The following MYT1 variants were observed in gnomAD, a reference collection of about 807,000 sequenced individuals.
The protein encoded by MYT1 is myelin transcription factor 1.
A neutral mutation model predicts 123.0 loss-of-function variants in MYT1; 23 were observed. The ratio of observed to expected loss-of-function variants is 0.19; its 90% confidence interval spans 0.13 to 0.26. MYT1 has a LOEUF of 0.26. Among genes scored for constraint, MYT1 ranks in the 10% least tolerant of loss-of-function variants. The probability of loss-of-function intolerance (pLI) is 1.00; values close to 1 mark genes in which losing one functional copy is unlikely to be tolerated. For synonymous variants in MYT1, 518 were observed against 575.3 expected (o/e 0.90, Z 1.43); for missense variants, 1,125 against 1,472.5 (o/e 0.76, Z 3.86).
chr20:64,187,822 G>A (rs1029588220), intron 1 of MYT1, among the ~76,000 whole-genome samples: 1 of 152,250 alleles, frequency 6.6e-6, no homozygotes, highest in African/African-American at 2.4e-5. Context: ...TTGTAAAGGA[G>A]GGTCTACGCT....
intron 1 of MYT1, among the ~76,000 whole-genome samples, chr20:64,177,411 C>T (rs1982492965): frequency 6.6e-6 from 1 of 152,102 alleles, no homozygotes; most frequent in Non-Finnish European, 1.5e-5. Context: ...AAGAGCAAAA[C>T]TTGCCCTCAT....
At chr20:64,225,808 C>T (rs1984153783) in intron 16 of MYT1, among the ~76,000 whole-genome samples, 1 of 152,144 alleles carries the variant, frequency 6.6e-6, no homozygotes, top group Admixed American at 6.5e-5. Flanking sequence ...GGACACAACT[C>T]TTGAGAAAAG....
intron 1 of MYT1, among the ~76,000 whole-genome samples, chr20:64,170,989 A>T (rs1261022464): frequency 6.9e-6 from 1 of 145,826 alleles, no homozygotes; most frequent in African/African-American, 2.6e-5. Context: ...TCTTGGCTGC[A>T]ACCTCCGCCT....
At chr20:64,209,111 A>T (rs1163436721) in intron 7 of MYT1, among the ~76,000 whole-genome samples, 1 of 151,952 alleles carries the variant, frequency 6.6e-6, no homozygotes, top group African/African-American at 2.4e-5. Flanking sequence ...GGCTGGGCTG[A>T]CGTGGTTGGG....
intron 1 of MYT1, among the ~76,000 whole-genome samples, chr20:64,179,524 AC>A (rs1356164654): frequency 2.0e-5 from 3 of 152,170 alleles, no homozygotes; most frequent in Non-Finnish European, 2.9e-5. Context: ...CCATCACTTA[AC>A]TTTGATGGAT....
intron 1 of MYT1, among the ~76,000 whole-genome samples, chr20:64,187,087 C>G (rs1457497086): frequency 1.5e-4 from 23 of 149,808 alleles, no homozygotes; most frequent in Non-Finnish European, 1.6e-4. Flanking sequence ...GCCCGTGGCC[C>G]CGGCATCCAT....
Position 64,212,189 on chromosome 20 carries a change from GGGGGCCAGGGTGGGGGCCGTGGT to G in MYT1, c.1517+56_1517+78del, listed in dbSNP as rs764182439. On this transcript the variant is annotated intron_variant, in intron 9 of 22. Coordinates refer to ENST00000328439, the MANE Select transcript of MYT1 (RefSeq NM_004535.3). The surrounding 1 kb of genome is among the most constrained non-coding windows in gnomAD (Gnocchi z 6.8). ...TGGGGGCCAGGGTGGGGGCCGTGGT[GGGGGCCAGGGTGGGGGCCGTGGT>G]GGGGGCCAGGGTGGGGGCCGTGGTG... is the stretch of plus-strand genomic sequence containing the variant. 0.04 allele frequency: 19,857 copies of G among 496,640 alleles called. 2,987 individuals carry two copies. The highest frequency in any genetic ancestry group is 0.13 in the African/African-American group (3,541 of 26,854). The allele number at this position is 496,640 out of a possible 1,614,324, so 30.8% of individuals were successfully genotyped here.
chr20:64,205,811 G>T lies in MYT1; in HGVS notation c.397+11G>T, dbSNP rs367605580. 1 of 1,611,974 alleles carries T rather than the reference G, an allele frequency of 6.2e-7. No homozygotes were observed. The highest frequency in any genetic ancestry group is 8.5e-7 in the Non-Finnish European group (1 of 1,178,776). On this transcript the variant is annotated intron_variant, in intron 6 of 22. Coordinates refer to ENST00000328439, the MANE Select transcript of MYT1 (RefSeq NM_004535.3). ...CCGAGACAGCTGAAGGTGCTTTGTC[G>T]CTCTTTCTTCCCCGAATAAAGGGCG...
intron 10 of MYT1, among the ~76,000 whole-genome samples, chr20:64,216,008 A>G (rs1233046677): frequency 6.6e-6 from 1 of 152,118 alleles, no homozygotes; most frequent in Non-Finnish European, 1.5e-5. Context: ...GGAGAAGGAG[A>G]AAACACCCAC....
chr20:64,189,381 C>T lies in MYT1; in HGVS notation c.-98-682C>T, dbSNP rs1982903554. Among the ~76,000 whole-genome samples the T allele has an allele frequency of 2.6e-5, 4 of 152,210 alleles. No homozygotes were observed. Among genetic ancestry groups the T allele is most frequent in the Admixed American group, 2.6e-4 (4 of 15,282 alleles). On this transcript the variant is annotated intron_variant, in intron 1 of 22. Coordinates refer to ENST00000328439, the MANE Select transcript of MYT1 (RefSeq NM_004535.3). The surrounding 1 kb of genome is among the most constrained non-coding windows in gnomAD (Gnocchi z 5.5). ...CAATGCGTTTCTTTGTCATGTCCAGCTGATGCGTTCAGCCTCTGCTCAGAC... is the reference window on the plus strand; with the variant it reads ...CAATGCGTTTCTTTGTCATGTCCAGTTGATGCGTTCAGCCTCTGCTCAGAC...
intron 1 of MYT1, among the ~76,000 whole-genome samples, chr20:64,172,198 C>T (rs1982304730): frequency 6.6e-6 from 1 of 152,192 alleles, no homozygotes; most frequent in Non-Finnish European, 1.5e-5. Flanking sequence ...TTTTCTAAGC[C>T]TGTAGAGCAG....
At chr20:64,195,686 G>A (rs914391007) in intron 2 of MYT1, among the ~76,000 whole-genome samples, 10 of 152,004 alleles carry the variant, frequency 6.6e-5, no homozygotes, top group East Asian at 1.9e-4. Context: ...GTGAGCCACC[G>A]TGCCCAGCCA....
intron 10 of MYT1, among the ~76,000 whole-genome samples, chr20:64,216,620 G>A (rs1002704717): frequency 6.6e-6 from 1 of 152,240 alleles, no homozygotes; most frequent in Non-Finnish European, 1.5e-5. Flanking sequence ...AGATTCCTCA[G>A]CTTCCTCCTT....
At chr20:64,239,704 C>A (rs1235238104) in intron 21 of MYT1, 56 bp from the exon 22 acceptor site, 2 of 1,608,426 alleles carry the variant, frequency 1.2e-6, no homozygotes, top group East Asian at 4.5e-5. Context: ...CAGAGAGGAC[C>A]CCCAGGAGGA....
intron 22 of MYT1, 47 bp downstream of exon 22, chr20:64,239,950 C>A: frequency 1.3e-6 from 2 of 1,599,534 alleles, no homozygotes; most frequent in Non-Finnish European, 1.7e-6. Flanking sequence ...CCCCCAGGGT[C>A]TCTTCGGAAA....
In MYT1 at chr20:64,211,976, G is replaced by C. The variant is rs563311969; in HGVS notation, c.1427-72G>C. 3 of 1,303,838 alleles carry C rather than the reference G, an allele frequency of 2.3e-6. No homozygotes were observed. The African/African-American group carries it at 4.3e-5, about 19-fold the overall frequency. The allele number at this position is 1,303,838 out of a possible 1,614,324, so 80.8% of individuals were successfully genotyped here. A position where few individuals can be genotyped will look rare whatever the true frequency, so the allele number is the denominator to read the frequency against. On this transcript the variant is annotated intron_variant, in intron 8 of 22. Transcript: ENST00000328439. ...GGCTCCTGCACCCTCCTCAGCCTGT[G>C]CTCCCCACACAGCTGGCGCTCCCCA...
In MYT1 at chr20:64,168,282, T is replaced by G. The variant is rs1267483073; in HGVS notation, c.-99+3543T>G. Among the ~76,000 whole-genome samples, 2 of 152,244 alleles carry G rather than the reference T, an allele frequency of 1.3e-5. No homozygotes were observed. Among genetic ancestry groups the G allele is most frequent in the East Asian group, 3.8e-4 (2 of 5,202 alleles). On this transcript the variant is annotated intron_variant, in intron 1 of 22. Coordinates refer to ENST00000328439, the MANE Select transcript of MYT1 (RefSeq NM_004535.3). The surrounding 1 kb of genome is among the most constrained non-coding windows in gnomAD (Gnocchi z 6.1). ...AAGTGGAAAGTGTAGTTTGAAAATG[T>G]CTTCCTGTTTCTCTTCAGTGTTACT...
Position 64,168,523 on chromosome 20 carries a change from G to A in MYT1, c.-99+3784G>A, listed in dbSNP as rs996622155. 5.9e-5 allele frequency among the ~76,000 whole-genome samples: 9 copies of A among 152,230 alleles called. No homozygotes were observed. The highest frequency in any genetic ancestry group is 1.3e-4 in the Non-Finnish European group (9 of 68,048). ...AGTACATCTGCCTTGGCCAGGATTGGAGTCCAGGCCTTGCAGAGGAGAGAG... is the reference window on the plus strand; with the variant it reads ...AGTACATCTGCCTTGGCCAGGATTGAAGTCCAGGCCTTGCAGAGGAGAGAG... On this transcript the variant is annotated intron_variant, in intron 1 of 22. Transcript: ENST00000328439. The surrounding 1 kb of genome is among the most constrained non-coding windows in gnomAD (Gnocchi z 6.1).
chr20:64,240,272 G>C (rs1001120147), intron 22 of MYT1, 48 bp from the exon 23 acceptor site: 18 of 1,598,078 alleles, frequency 1.1e-5, no homozygotes, highest in Non-Finnish European at 1.5e-5. Flanking sequence ...TCTGCGGTGT[G>C]GGGCCCACTG....
Sources: gnomAD v4.1 joint callset for allele counts (sites outside exome capture counted in the v4.1 genomes callset) on GRCh38, gnomAD v4.1.1 for gene constraint, Gnocchi (gnomAD v3.1) non-coding constraint, MANE v1.5 for transcripts, NCBI Gene and HGNC (gene_info 2026-07-23, HGNC 2026-07-21) for gene names.